IL1RAPL1: variants seen among roughly 807,000 people sequenced by gnomAD.
The protein encoded by IL1RAPL1 is interleukin-1 receptor accessory protein-like 1.
IL1RAPL1 carries 3 observed loss-of-function variants against 48.4 expected under a neutral mutation model. The observed-to-expected ratio is 0.06, with a 90% CI of 0.03 to 0.16. IL1RAPL1 has a LOEUF of 0.16. Among genes scored for constraint, IL1RAPL1 ranks in the 10% least tolerant of loss-of-function variants. The probability of loss-of-function intolerance (pLI) is 1.00; values close to 1 mark genes in which losing one functional copy is unlikely to be tolerated. For missense variants in IL1RAPL1, 349 were observed against 530.6 expected (o/e 0.66, Z 3.36); for synonymous variants, 185 against 187.7 (o/e 0.99, Z 0.12).
At chrX:29,111,529 C>T (rs1005071228) in intron 2 of IL1RAPL1, among the ~76,000 whole-genome samples, 7 of 111,483 alleles carry the variant, frequency 6.3e-5, no homozygotes, top group African/African-American at 2.3e-4. Flanking sequence ...TCAACTTTTG[C>T]ACTGACAAGC....
At chrX:28,960,923 T>C (rs1924753587) in intron 2 of IL1RAPL1, among the ~76,000 whole-genome samples, 1 of 96,159 alleles carries the variant, frequency 1.0e-5, no homozygotes, top group African/African-American at 4.1e-5. Context: ...GGCAGGAGAA[T>C]GGTGTGAACC....
chrX:29,215,948 A>C (rs1396647259), intron 2 of IL1RAPL1, among the ~76,000 whole-genome samples: 2 of 111,060 alleles, frequency 1.8e-5, no homozygotes, highest in Non-Finnish European at 3.8e-5. Context: ...TGCTTGAACC[A>C]CAGTAACAAG....
intron 6 of IL1RAPL1, among the ~76,000 whole-genome samples, chrX:29,892,179 T>G (rs1932285948): frequency 8.9e-6 from 1 of 112,419 alleles, no homozygotes. Flanking sequence ...AATGTACAAT[T>G]ACTTTTTCAA....
chrX:29,203,882 G>A (rs1239434757), intron 2 of IL1RAPL1, among the ~76,000 whole-genome samples: 1 of 107,441 alleles, frequency 9.3e-6, no homozygotes, highest in African/African-American at 3.4e-5. Context: ...CAAGTCTCTG[G>A]CAGCAAACAT....
chrX:29,428,838 G>A lies in IL1RAPL1; in HGVS notation c.703+29530G>A, dbSNP rs781475154. ...AAATCCTTAGTTGGTTTACCAAACCGTCAATCAGTAGCCCCCACTCATACC... is the reference window on the plus strand; with the variant it reads ...AAATCCTTAGTTGGTTTACCAAACCATCAATCAGTAGCCCCCACTCATACC... On this transcript the variant is annotated intron_variant, in intron 5 of 10. Coordinates refer to ENST00000378993, the MANE Select transcript of IL1RAPL1 (RefSeq NM_014271.4). 3.6e-5 allele frequency among the ~76,000 whole-genome samples: 4 copies of A among 111,567 alleles called. No individual in the cohort carries two copies. In the South Asian group the frequency reaches 1.1e-3, roughly 32 times the overall value.
Position 29,349,442 on chromosome X carries a change from GGAA to G in IL1RAPL1, c.363-46813_363-46811del, listed in dbSNP as rs200927889. Among the ~76,000 whole-genome samples the G allele has an allele frequency of 8.9e-3, 993 of 111,730 alleles. 16 individuals are homozygous for G. Among genetic ancestry groups the G allele is most frequent in the African/African-American group, 0.031 (953 of 30,748 alleles). ...TTCTGGCTTCTATGACCTGCCTTGG[GGAA>G]GAGGGATTCTAGTTTCTATGGCCAG... On this transcript the variant is annotated intron_variant, in intron 3 of 10. Coordinates refer to ENST00000378993, the MANE Select transcript of IL1RAPL1 (RefSeq NM_014271.4).
chrX:28,944,170 T>C (rs1924236389), intron 2 of IL1RAPL1, among the ~76,000 whole-genome samples: 1 of 110,802 alleles, frequency 9.0e-6, no homozygotes, highest in African/African-American at 3.3e-5. Flanking sequence ...ATTTAAAAAA[T>C]TATCGTGGAG....
At chrX:28,606,360 G>A (rs745917342) in intron 1 of IL1RAPL1, among the ~76,000 whole-genome samples, 15 of 112,085 alleles carry the variant, frequency 1.3e-4, no homozygotes, top group East Asian at 2.8e-4. Context: ...GTCTCATGGC[G>A]TAAACACACA....
chrX:29,045,950 C>CTCCTCCTACT, intron 2 of IL1RAPL1, among the ~76,000 whole-genome samples: 1 of 72,237 alleles, frequency 1.4e-5, no homozygotes, highest in South Asian at 9.4e-4. Context: ...CTTCCTCCTC[C>CTCCTCCTACT]TCCTCCTCCT....
At chrX:28,979,399 G>A (rs1925277703) in intron 2 of IL1RAPL1, among the ~76,000 whole-genome samples, 1 of 111,602 alleles carries the variant, frequency 9.0e-6, no homozygotes, top group Non-Finnish European at 1.9e-5. Flanking sequence ...TTTTTGCCCC[G>A]TTTTATTCTG....
chrX:29,102,718 T>TA (rs1360778499), intron 2 of IL1RAPL1, among the ~76,000 whole-genome samples: 2 of 110,351 alleles, frequency 1.8e-5, no homozygotes, highest in African/African-American at 6.6e-5. Flanking sequence ...TATGATCTTA[T>TA]ATTTGGAAAA....
At chrX:29,469,760 T>C (rs1425755861) in intron 5 of IL1RAPL1, among the ~76,000 whole-genome samples, 1 of 112,001 alleles carries the variant, frequency 8.9e-6, no homozygotes, top group African/African-American at 3.2e-5. Flanking sequence ...CTTGGTAACC[T>C]TGGCTTATTG....
At chrX:29,349,677 C>G (rs757813583) in intron 3 of IL1RAPL1, among the ~76,000 whole-genome samples, 93 of 110,985 alleles carry the variant, frequency 8.4e-4, no homozygotes, top group Non-Finnish European at 8.5e-4. Context: ...AGTTCTTTCC[C>G]TTTGAACCTA....
intron 1 of IL1RAPL1, among the ~76,000 whole-genome samples, chrX:28,669,388 G>A (rs1934921202): frequency 9.1e-6 from 1 of 110,208 alleles, no homozygotes; most frequent in African/African-American, 3.3e-5. Flanking sequence ...GGAAGCTGAG[G>A]CGGGTGGATC....
At chrX:29,031,068 T>C (rs930893501) in intron 2 of IL1RAPL1, among the ~76,000 whole-genome samples, 1 of 111,878 alleles carries the variant, frequency 8.9e-6, no homozygotes, top group Non-Finnish European at 1.9e-5. Flanking sequence ...AATTTGTTCA[T>C]GTTCTTTTAA....
chrX:28,947,925 G>A (rs759255079), intron 2 of IL1RAPL1, among the ~76,000 whole-genome samples: 9 of 111,476 alleles, frequency 8.1e-5, no homozygotes, highest in Non-Finnish European at 1.1e-4. Flanking sequence ...TGGAAAAATC[G>A]TGTAGAAGGA....
chrX:29,705,677 T>C (rs1927173770), intron 6 of IL1RAPL1, among the ~76,000 whole-genome samples: 1 of 112,156 alleles, frequency 8.9e-6, no homozygotes, highest in Non-Finnish European at 1.9e-5. Flanking sequence ...TGAGACTCTG[T>C]TCTGCGGAAA....
At chrX:29,654,279 T>C (rs1027122553) in intron 5 of IL1RAPL1, among the ~76,000 whole-genome samples, 5 of 111,614 alleles carry the variant, frequency 4.5e-5, no homozygotes, top group African/African-American at 6.5e-5. Context: ...AGCCTAATCA[T>C]TGACAGAGGT....
intron 2 of IL1RAPL1, among the ~76,000 whole-genome samples, chrX:29,068,922 A>G (rs1196226277): frequency 1.8e-5 from 2 of 111,969 alleles, no homozygotes; most frequent in Non-Finnish European, 3.8e-5. Flanking sequence ...TTTCCATTGT[A>G]ATAGTCTAGG....
Sources: allele counts gnomAD v4.1 joint callset (sites outside exome capture counted in the v4.1 genomes callset), GRCh38; gene constraint gnomAD v4.1.1; transcripts MANE v1.5; gene names NCBI Gene and HGNC (gene_info 2026-07-23, HGNC 2026-07-21).